Variants in PKLR observed in about 807,000 individuals in gnomAD.
The protein encoded by PKLR is pyruvate kinase L/R.
A neutral mutation model predicts 53.6 loss-of-function variants in PKLR; 38 were observed. The observed-to-expected ratio is 0.71, with a 90% CI of 0.55 to 0.93. The LOEUF (loss-of-function observed/expected upper bound fraction) is 0.93. PKLR is among the 40% of genes least tolerant of loss of function. The pLI is 0.00. For missense variants in PKLR, 702 were observed against 787.3 expected, an observed-to-expected ratio of 0.89 and a Z score of 1.30; for synonymous variants, 328 against 316.2, an observed-to-expected ratio of 1.04 and a Z score of -0.39.
At chr1:155,300,725 A>G (rs189805386) in intron 1 of PKLR, among the ~76,000 whole-genome samples, 27 of 151,950 alleles carry the variant, frequency 1.8e-4, no homozygotes, top group East Asian at 3.9e-4. Context: ...TCCTGCTCCA[A>G]AGGTCTCTGT....
Position 155,293,260 on chromosome 1 carries a change from G to A in PKLR, c.1353C>T (p.Pro451=), listed in dbSNP as rs777357253. The A allele has an allele frequency of 2.0e-5, 32 of 1,614,196 alleles. No homozygotes were observed. The highest frequency in any genetic ancestry group is 4.5e-5 in the East Asian group (2 of 44,878). ...LRRAAPLSRD[P]TEVTAIGAVE... is the part of the protein sequence containing the mutation. ...CAGCACCAATGGCGGTGACCTCAGT[G>A]GGATCACGGCTTAGTGGCGCTGCCC... is the stretch of plus-strand genomic sequence containing the variant. The change falls in exon 9 of 11, where the codon CCC becomes CCT. Residue 451 remains proline, a synonymous_variant. Coordinates refer to ENST00000342741, the MANE Select transcript of PKLR (RefSeq NM_000298.6). This position sits in a 1 kb window ranked among gnomAD's most constrained non-coding sequence, Gnocchi z 4.2.
chr1:155,308,210 C>G, the PKLR span, among the ~76,000 whole-genome samples: 5 of 151,340 alleles, frequency 3.3e-5, no homozygotes, highest in East Asian at 9.7e-4. Context: ...TACAGGCGCG[C>G]GCCACCACGC....
At chr1:155,298,962 CTTTCTTTCT>C (rs1647770937) in intron 2 of PKLR, among the ~76,000 whole-genome samples, 1 of 39,588 alleles carries the variant, frequency 2.5e-5, no homozygotes, top group African/African-American at 1.5e-4. Flanking sequence ...TCCTTTCTTT[CTTTCTTTCT>C]TTCTTTCTTT....
chr1:155,291,460 C>A (rs1390237823), intron 10 of PKLR, among the ~76,000 whole-genome samples: 2 of 151,708 alleles, frequency 1.3e-5, no homozygotes, highest in Non-Finnish European at 2.9e-5. Flanking sequence ...CGTACCCCTG[C>A]ACTCCAGCCT....
At chr1:155,294,158 C>T (rs1647400655) in intron 7 of PKLR, 77 bp downstream of exon 7, 2 of 1,485,218 alleles carry the variant, frequency 1.3e-6, no homozygotes, top group African/African-American at 2.8e-5. Context: ...ACAAAATAAA[C>T]CCCTACAGTG....
At position 155,293,511 on chromosome 1, in the gene PKLR, GC is replaced by G. The variant is rs1388451589; in HGVS notation, c.1195del (p.Ala399LeufsTer20). ...SDVANAVLDG[A>X]DCIMLSGETA... The stretch of plus-strand genomic sequence containing the variant: ...CTCCCCTGACAGCATGATGCAGTCA[GC>G]CCCATCCAGCACAGCATTGGCGACA... On this transcript the variant is annotated frameshift_variant, in exon 8 of 11. Transcript: ENST00000342741. LOFTEE classifies it high-confidence loss of function. This position sits in a 1 kb window ranked among gnomAD's most constrained non-coding sequence, Gnocchi z 4.2. 5.0e-6 allele frequency: 8 copies of G among 1,614,094 alleles called. No homozygotes were observed. Among genetic ancestry groups the G allele is most frequent in the Non-Finnish European group, 6.8e-6 (8 of 1,180,040 alleles).
chr1:155,304,171 G>A (rs531991381), upstream of PKLR, among the ~76,000 whole-genome samples: 37 of 152,256 alleles, frequency 2.4e-4, no homozygotes, highest in East Asian at 6.6e-3. Context: ...GGTGGCTCAC[G>A]TCTGTAATCC....
At position 155,293,609 on chromosome 1, in the gene PKLR, G is replaced by T. The variant is rs1647361457; in HGVS notation, c.1117-19C>A. The T allele has an allele frequency of 6.2e-7, 1 of 1,613,752 alleles. No individual in the cohort carries two copies. On this transcript the variant is annotated intron_variant, in intron 7 of 10. Transcript: ENST00000342741. This position sits in a 1 kb window ranked among gnomAD's most constrained non-coding sequence, Gnocchi z 4.2. ...CCAGCATCTGGGGGACAGCGTGGAT[G>T]TCAAAGTTGTAGGACTCACACTGTG...
Position 155,290,221 on chromosome 1 carries a change from A to T in PKLR, c.*351T>A, listed in dbSNP as rs886045349. On this transcript the variant is annotated 3_prime_UTR_variant, in exon 11 of 11. Coordinates refer to ENST00000342741, the MANE Select transcript of PKLR (RefSeq NM_000298.6). Reference sequence around the variant, plus strand: ...CCTCTCCCCCACCCCAAGGGATGGGATGCCTGGGGTTATGGAATTAACCAG... The same window carrying T: ...CCTCTCCCCCACCCCAAGGGATGGGTTGCCTGGGGTTATGGAATTAACCAG... 3.1e-6 allele frequency: 1 copy of T among 324,380 alleles called. No homozygotes were observed. Among genetic ancestry groups the T allele is most frequent in the Non-Finnish European group, 5.9e-6 (1 of 169,398 alleles). The allele number at this position is 324,380 out of a possible 1,614,324, so 20.1% of individuals were successfully genotyped here.
At chr1:155,301,235 G>C (rs1647974797) in intron 1 of PKLR, 61 bp downstream of exon 1, 3 of 1,584,308 alleles carry the variant, frequency 1.9e-6, no homozygotes, top group African/African-American at 1.3e-5. Flanking sequence ...CTCCACCCTG[G>C]CTCCTAGTTT....
At chr1:155,302,778 TC>T (rs1416287089), upstream of PKLR, among the ~76,000 whole-genome samples, 1 of 151,908 alleles carries the variant, frequency 6.6e-6, no homozygotes, top group East Asian at 1.9e-4. Context: ...GCTCCAACGA[TC>T]CTCCCACCTC....
intron 2 of PKLR, 48 bp downstream of exon 2, chr1:155,300,050 G>A (rs754469023): frequency 6.5e-7 from 1 of 1,548,956 alleles, no homozygotes; most frequent in South Asian, 1.1e-5. Context: ...AGCACCTCAA[G>A]AAATACCAAT....
intron 6 of PKLR, 28 bp downstream of exon 6, chr1:155,294,454 C>G: frequency 1.9e-6 from 3 of 1,614,198 alleles, no homozygotes; most frequent in Non-Finnish European, 2.5e-6. Context: ...AGCGACAGGG[C>G]CGAAGGGGAA....
rs890965470 is a variant in PKLR at position 155,294,438 on chromosome 1, G to T, written c.965+44C>A. 14 of 1,614,094 alleles carry T rather than the reference G, an allele frequency of 8.7e-6. No individual in the cohort carries two copies. The African/African-American group carries it at 1.9e-4, about 22-fold the overall frequency. On this transcript the variant is annotated intron_variant, in intron 6 of 10. Coordinates refer to ENST00000342741, the MANE Select transcript of PKLR (RefSeq NM_000298.6). ...GGCAGGCAGGAGAAGAAAGGTGATG[G>T]GGAATAGCGACAGGGCCGAAGGGGA...
At chr1:155,300,957 G>A (rs753922649) in intron 1 of PKLR, 2 of 1,582,382 alleles carry the variant, frequency 1.3e-6, no homozygotes, top group African/African-American at 1.3e-5. Context: ...TCAGAGGCAT[G>A]AGGCCCAGCT....
At chr1:155,292,874 T>C (rs566295715) in intron 9 of PKLR, among the ~76,000 whole-genome samples, 5 of 152,302 alleles carry the variant, frequency 3.3e-5, no homozygotes, top group African/African-American at 1.2e-4. Flanking sequence ...TCAGACCTAC[T>C]GGACCCTTCT....
At position 155,301,273 on chromosome 1, in the gene PKLR, T is replaced by G. The variant is rs2148220824; in HGVS notation, c.100+23A>C. ...ACCCTCATTTTCCTCCTATGTTCCA[T>G]GGCTTCTGTCTCCCCTTCTTACCTC... On this transcript the variant is annotated intron_variant, in intron 1 of 10. Coordinates refer to ENST00000342741, the MANE Select transcript of PKLR (RefSeq NM_000298.6). 3.7e-6 allele frequency: 6 copies of G among 1,613,580 alleles called. No individual in the cohort carries two copies. In the East Asian group the frequency reaches 1.1e-4, roughly 30 times the overall value.
At chr1:155,299,174 TTTCTTTCTTTCC>T (rs1647837554) in intron 2 of PKLR, among the ~76,000 whole-genome samples, 1 of 141,776 alleles carries the variant, frequency 7.1e-6, no homozygotes, top group African/African-American at 2.6e-5. Context: ...TCTCTCTTTC[TTTCTTTCTTTCC>T]TTCTTTCTTT....
At chr1:155,298,953 C>T (rs1004374466) in intron 2 of PKLR, among the ~76,000 whole-genome samples, 8 of 103,806 alleles carry the variant, frequency 7.7e-5, no homozygotes, top group Admixed American at 2.1e-4. Flanking sequence ...AACTTTCACT[C>T]CTTTCTTTCT....
Sources: gnomAD v4.1 joint callset for allele counts (sites outside exome capture counted in the v4.1 genomes callset) on GRCh38, gnomAD v4.1.1 for gene constraint, Gnocchi (gnomAD v3.1) non-coding constraint, MANE v1.5 for transcripts, NCBI Gene and HGNC (gene_info 2026-07-23, HGNC 2026-07-21) for gene names.